The following KIF4A variants were observed in gnomAD, a reference collection of about 807,000 sequenced individuals.
KIF4A encodes kinesin family member 4A, also known as chromosome-associated kinesin KIF4A.
A neutral mutation model predicts 105.9 loss-of-function variants in KIF4A; 7 were observed. The observed-to-expected ratio is 0.07, with a 90% CI of 0.04 to 0.12. KIF4A has a LOEUF of 0.12. KIF4A is among the 10% of genes least tolerant of loss of function. The probability of loss-of-function intolerance (pLI) is 1.00; values close to 1 mark genes in which losing one functional copy is unlikely to be tolerated. For synonymous variants in KIF4A, 281 were observed against 331.3 expected (o/e 0.85, Z 1.65); for missense variants, 558 against 929.2 (o/e 0.60, Z 5.19).
At position 70,347,124 on chromosome X, in the gene KIF4A, AT is replaced by A. The variant is rs1339578141; in HGVS notation, c.1431+3143del. On this transcript the variant is annotated intron_variant, in intron 13 of 30. Transcript: ENST00000374403. ...AAATCAAATGATCTTTTTTGTTTAT[AT>A]CCCCTCCTCCAAGACCAGTTCCATA... 3.0e-4 allele frequency among the ~76,000 whole-genome samples: 34 copies of A among 111,811 alleles called. No homozygotes were observed. The Admixed American group carries it at 3.2e-3, about 11-fold the overall frequency.
At chrX:70,388,223 A>G (rs923573767) in intron 20 of KIF4A, among the ~76,000 whole-genome samples, 1 of 111,332 alleles carries the variant, frequency 9.0e-6, no homozygotes, top group Non-Finnish European at 1.9e-5. Flanking sequence ...GTCATATACA[A>G]CTTCTTTCCT....
At chrX:70,418,504 C>A (rs1031549644) in intron 29 of KIF4A, among the ~76,000 whole-genome samples, 2 of 111,338 alleles carry the variant, frequency 1.8e-5, no homozygotes, top group African/African-American at 6.5e-5. Context: ...CCACAGGAAC[C>A]AGGCCTTTCT....
chrX:70,420,253 A>C lies in KIF4A; in HGVS notation c.3687A>C (p.Glu1229Asp), dbSNP rs1451072077. ...TCTCTGGCTGCTCCCCTATCGAAGAAGAGGCCCACTGAAGTTGGAGTCATC... is the reference window on the plus strand; with the variant it reads ...TCTCTGGCTGCTCCCCTATCGAAGACGAGGCCCACTGAAGTTGGAGTCATC... ...SFFSGCSPIE[E>D]EAH Residue 1229 changes from glutamate to aspartate, a missense_variant, in exon 31 of 31, where the codon GAA becomes GAC. By Grantham distance (45) the Glu-to-Asp change is conservative. Around this residue, in one of 2 missense-constraint regions of KIF4A, gnomAD observed 469 missense variants for 680.4 expected, o/e 0.69. Transcript: ENST00000374403. The C allele has an allele frequency of 1.7e-6, 2 of 1,207,517 alleles. No homozygotes were observed. The highest frequency in any genetic ancestry group is 3.5e-5 in the African/African-American group (2 of 57,588).
At chrX:70,327,731 G>A (rs938585113) in intron 7 of KIF4A, among the ~76,000 whole-genome samples, 1 of 111,949 alleles carries the variant, frequency 8.9e-6, no homozygotes, top group Non-Finnish European at 1.9e-5. Context: ...CAAGGGTTCA[G>A]CTAAGGTTAG....
chrX:70,300,650 G>C (rs1381463985), intron 5 of KIF4A, among the ~76,000 whole-genome samples: 1 of 111,707 alleles, frequency 9.0e-6, no homozygotes, highest in East Asian at 2.8e-4. Flanking sequence ...CCGGGCTAAA[G>C]AGCTTAGTTT....
chrX:70,309,951 G>A (rs1442362885), intron 7 of KIF4A, among the ~76,000 whole-genome samples: 2 of 112,195 alleles, frequency 1.8e-5, no homozygotes, highest in African/African-American at 3.2e-5. Flanking sequence ...GCTGAGGCAC[G>A]AGATTTGCTT....
At chrX:70,351,255 A>G (rs2086029359) in intron 13 of KIF4A, among the ~76,000 whole-genome samples, 1 of 112,076 alleles carries the variant, frequency 8.9e-6, no homozygotes, top group Non-Finnish European at 1.9e-5. Flanking sequence ...TCACCTAAAT[A>G]CTGTACTTCG....
chrX:70,410,650 A>C (rs1020946545), intron 28 of KIF4A, among the ~76,000 whole-genome samples: 2 of 112,043 alleles, frequency 1.8e-5, no homozygotes, highest in African/African-American at 6.5e-5. Flanking sequence ...ATCAGGCATT[A>C]GTTAGAGTCT....
At chrX:70,384,225 CAAT>C (rs2086208334) in intron 18 of KIF4A, among the ~76,000 whole-genome samples, 1 of 111,547 alleles carries the variant, frequency 9.0e-6, no homozygotes, top group Admixed American at 9.6e-5. Flanking sequence ...AGTGGGCACT[CAAT>C]AATGTTTAGT....
intron 15 of KIF4A, among the ~76,000 whole-genome samples, chrX:70,358,796 A>G (rs1405119548): frequency 8.9e-6 from 1 of 112,570 alleles, no homozygotes; most frequent in Non-Finnish European, 1.9e-5. Context: ...AGGCTAGTCA[A>G]TTTCCAATAA....
chrX:70,349,547 G>C (rs2086015507), intron 13 of KIF4A, among the ~76,000 whole-genome samples: 4 of 97,946 alleles, frequency 4.1e-5, no homozygotes, highest in Admixed American at 3.2e-4. Context: ...GGGCAGCCGG[G>C]CAGAGGCACT....
intron 7 of KIF4A, among the ~76,000 whole-genome samples, chrX:70,325,313 T>C (rs749938335): frequency 4.5e-5 from 5 of 111,574 alleles, no homozygotes; most frequent in Non-Finnish European, 9.4e-5. Context: ...AAAATCTCAC[T>C]GTCACCCAAG....
At chrX:70,405,240 G>A (rs1457377524) in intron 25 of KIF4A, among the ~76,000 whole-genome samples, 1 of 111,600 alleles carries the variant, frequency 9.0e-6, no homozygotes, top group African/African-American at 3.3e-5. Flanking sequence ...CAGAGGCTAG[G>A]AACACCACAC....
At chrX:70,360,160 T>TCA (rs1348255612) in intron 15 of KIF4A, among the ~76,000 whole-genome samples, 1 of 112,021 alleles carries the variant, frequency 8.9e-6, no homozygotes, top group Non-Finnish European at 1.9e-5. Flanking sequence ...CACGCGGTTT[T>TCA]CACACACACA....
At chrX:70,347,525 T>C in intron 13 of KIF4A, among the ~76,000 whole-genome samples, 1 of 111,693 alleles carries the variant, frequency 9.0e-6, no homozygotes, top group African/African-American at 3.3e-5. Context: ...CATCTACTTT[T>C]GATCCTAACT....
intron 3 of KIF4A, among the ~76,000 whole-genome samples, chrX:70,295,261 C>T (rs183693097): frequency 4.5e-5 from 5 of 110,695 alleles, no homozygotes; most frequent in African/African-American, 9.9e-5. Flanking sequence ...CTGTAACCTC[C>T]GCCTCCTGGG....
At position 70,402,632 on chromosome X, in the gene KIF4A, A is replaced by G. The variant is rs777539279; in HGVS notation, c.2556A>G (p.Gln852=). ...CAGAAAGTGAAGACAGACCAAAACAACGCTGGGAGAATATTGCCACCATTC... is the reference window on the plus strand; with the variant it reads ...CAGAAAGTGAAGACAGACCAAAACAGCGCTGGGAGAATATTGCCACCATTC... ...LDAESEDRPK[Q]RWENIATILE... Residue 852 remains glutamine, a synonymous_variant, in exon 23 of 31, where the codon CAA becomes CAG. Transcript: ENST00000374403. The G allele has an allele frequency of 1.7e-5, 20 of 1,210,398 alleles. No homozygotes were observed. The highest frequency in any genetic ancestry group is 2.2e-5 in the Non-Finnish European group (20 of 895,249).
intron 7 of KIF4A, among the ~76,000 whole-genome samples, chrX:70,309,425 G>A (rs1472563104): frequency 9.0e-6 from 1 of 111,660 alleles, no homozygotes; most frequent in Non-Finnish European, 1.9e-5. Context: ...TTAAGCCTTA[G>A]TTACATATAT....
chrX:70,302,161 A>G, intron 6 of KIF4A, 95 bp downstream of exon 6: 1 of 1,096,997 alleles, frequency 9.1e-7, no homozygotes, highest in Admixed American at 2.5e-5. Flanking sequence ...AAATCATCAG[A>G]CATCAGTATT....
Sources: allele counts gnomAD v4.1 joint callset (sites outside exome capture counted in the v4.1 genomes callset), GRCh38; gene constraint gnomAD v4.1.1; regional missense constraint gnomAD v4.1.1; transcripts MANE v1.5; gene names NCBI Gene and HGNC (gene_info 2026-07-23, HGNC 2026-07-21).